SGCD: variants seen among roughly 807,000 people sequenced by gnomAD.
The protein encoded by SGCD is sarcoglycan delta, also known as delta-sarcoglycan.
In SGCD, 18 loss-of-function variants were observed where a neutral mutation model predicts 36.6. The ratio of observed to expected loss-of-function variants is 0.49; its 90% CI spans 0.34 to 0.73. The LOEUF (loss-of-function observed/expected upper bound fraction) is 0.73, where lower values mean the gene tolerates loss of function less well. Ranked by LOEUF, SGCD falls within the 30% of genes least tolerant of loss-of-function variation. SGCD has a pLI of 0.01. For synonymous variants in SGCD, 133 were observed against 130.6 expected (o/e 1.02, Z -0.12); for missense variants, 387 against 346.7 (o/e 1.12, Z -0.92).
At chr5:156,585,187 G>A (rs1428766582) in intron 4 of SGCD, among the ~76,000 whole-genome samples, 1 of 152,140 alleles carries the variant, frequency 6.6e-6, no homozygotes, top group East Asian at 1.9e-4. Context: ...GCTTCACAGT[G>A]TAGCTTCATT....
At chr5:156,339,383 G>A (rs1768527769) in intron 2 of SGCD, among the ~76,000 whole-genome samples, 1 of 152,186 alleles carries the variant, frequency 6.6e-6, no homozygotes, top group Non-Finnish European at 1.5e-5. Context: ...TGGTATAATT[G>A]TATGTGCCTT....
At chr5:156,496,309 G>A (rs1453728572) in intron 3 of SGCD, among the ~76,000 whole-genome samples, 1 of 152,096 alleles carries the variant, frequency 6.6e-6, no homozygotes, top group Non-Finnish European at 1.5e-5. Context: ...TAATTCCATG[G>A]AATGTGCTTA....
At chr5:155,833,036 C>T in the SGCD span, among the ~76,000 whole-genome samples, 4 of 135,174 alleles carry the variant, frequency 3.0e-5, no homozygotes, top group African/African-American at 8.7e-5. Context: ...CGTGAAACCC[C>T]GTCTCTACTA....
chr5:156,556,135 A>C (rs930161652), intron 4 of SGCD, among the ~76,000 whole-genome samples: 24 of 149,318 alleles, frequency 1.6e-4, no homozygotes, highest in African/African-American at 4.9e-4. Flanking sequence ...AAAAAAAAAA[A>C]CCCAGGTATT....
At chr5:156,372,517 C>A (rs1770439295) in intron 3 of SGCD, among the ~76,000 whole-genome samples, 2 of 152,142 alleles carry the variant, frequency 1.3e-5, no homozygotes. Context: ...CCTCATCCTC[C>A]CTTTGGGCTG....
intron 6 of SGCD, among the ~76,000 whole-genome samples, chr5:156,626,657 CTTATAG>C (rs1561823676): frequency 2.6e-5 from 4 of 152,142 alleles, no homozygotes; most frequent in African/African-American, 9.7e-5. Context: ...TTTATGTAAT[CTTATAG>C]TTGAAGTAGA....
At chr5:156,710,667 G>C (rs984023731) in intron 7 of SGCD, among the ~76,000 whole-genome samples, 16 of 152,196 alleles carry the variant, frequency 1.1e-4, no homozygotes, top group African/African-American at 2.9e-4. Context: ...TTGGTTAAAA[G>C]AGTTAAGTTA....
At chr5:156,135,905 A>T (rs1762445424) in intron 3 of SGCD, among the ~76,000 whole-genome samples, 1 of 152,072 alleles carries the variant, frequency 6.6e-6, no homozygotes, top group African/African-American at 2.4e-5. Flanking sequence ...GAGTTTTCTG[A>T]CTGGTGTTGC....
intron 7 of SGCD, among the ~76,000 whole-genome samples, chr5:156,683,105 C>T (rs903557714): frequency 5.9e-5 from 9 of 152,072 alleles, no homozygotes; most frequent in African/African-American, 1.9e-4. Context: ...TGAGTGATAG[C>T]CAAGCCTTAA....
At chr5:156,432,003 A>C (rs1330061919) in intron 3 of SGCD, among the ~76,000 whole-genome samples, 1 of 152,086 alleles carries the variant, frequency 6.6e-6, no homozygotes, top group Non-Finnish European at 1.5e-5. Context: ...GGCGTGAGCC[A>C]CCGCACCCAG....
At chr5:155,861,205 A>G in the SGCD span, among the ~76,000 whole-genome samples, 4 of 152,216 alleles carry the variant, frequency 2.6e-5, no homozygotes, top group East Asian at 5.8e-4. Context: ...TAAAACAAGT[A>G]TTATGATTAG....
At chr5:156,372,171 G>C (rs1447002883) in intron 3 of SGCD, among the ~76,000 whole-genome samples, 1 of 152,164 alleles carries the variant, frequency 6.6e-6, no homozygotes, top group Non-Finnish European at 1.5e-5. Context: ...AGTTAATTGT[G>C]TGAAATTATA....
At chr5:155,740,483 T>C in the SGCD span, among the ~76,000 whole-genome samples, 2 of 152,172 alleles carry the variant, frequency 1.3e-5, no homozygotes, top group Non-Finnish European at 2.9e-5. Flanking sequence ...TCACTCAAAC[T>C]GAAATCCTTT....
intron 1 of SGCD, among the ~76,000 whole-genome samples, chr5:155,888,001 C>T (rs925279931): frequency 6.6e-6 from 1 of 152,194 alleles, no homozygotes; most frequent in Non-Finnish European, 1.5e-5. Flanking sequence ...TGCAGTGTTA[C>T]ACACTTAGTG....
At chr5:156,083,732 C>G (rs1188365861) in intron 1 of SGCD, among the ~76,000 whole-genome samples, 1 of 149,280 alleles carries the variant, frequency 6.7e-6, no homozygotes, top group Non-Finnish European at 1.5e-5. Context: ...TTGTCTATTT[C>G]TTTGAGCTAG....
chr5:156,390,308 C>T (rs1237282417), intron 3 of SGCD, among the ~76,000 whole-genome samples: 1 of 152,102 alleles, frequency 6.6e-6, no homozygotes, highest in Non-Finnish European at 1.5e-5. Flanking sequence ...CAACTTCGTA[C>T]ACATTATTGC....
chr5:155,806,950 G>T, the SGCD span, among the ~76,000 whole-genome samples: 1 of 152,152 alleles, frequency 6.6e-6, no homozygotes, highest in African/African-American at 2.4e-5. Context: ...GACTTCTAGG[G>T]CATATACTAT....
chr5:156,754,493 A>C (rs1757266234), intron 7 of SGCD, among the ~76,000 whole-genome samples: 1 of 152,196 alleles, frequency 6.6e-6, no homozygotes, highest in African/African-American at 2.4e-5. Flanking sequence ...GTTTACATAG[A>C]TTGGTTTTAG....
chr5:155,880,539 G>A (rs939663807), intron 1 of SGCD, among the ~76,000 whole-genome samples: 1 of 152,074 alleles, frequency 6.6e-6, no homozygotes, highest in Admixed American at 6.5e-5. Flanking sequence ...GCCAAAATCT[G>A]TCAGTCAGAG....
Sources: allele counts gnomAD v4.1 joint callset (sites outside exome capture counted in the v4.1 genomes callset), GRCh38; gene constraint gnomAD v4.1.1; transcripts MANE v1.5; gene names NCBI Gene and HGNC (gene_info 2026-07-23, HGNC 2026-07-21).